TBX15: variants seen among roughly 807,000 people sequenced by gnomAD.
TBX15 encodes the protein T-box transcription factor TBX15.
In TBX15, 18 loss-of-function variants were observed where a neutral mutation model predicts 53.9. That is an observed-to-expected ratio of 0.33 (90% CI 0.23 to 0.49). The LOEUF (loss-of-function observed/expected upper bound fraction) is 0.49. Ranked by LOEUF, TBX15 falls within the 20% of genes least tolerant of loss-of-function variation. The probability of loss-of-function intolerance (pLI) is 0.98; values close to 1 mark genes in which losing one functional copy is unlikely to be tolerated. For synonymous variants in TBX15, 295 were observed against 278.0 expected (o/e 1.06, Z -0.61); for missense variants, 692 against 749.5 (o/e 0.92, Z 0.90).
At chr1:118,905,183 G>A (rs554779603) in intron 6 of TBX15, among the ~76,000 whole-genome samples, 45 of 152,296 alleles carry the variant, frequency 3.0e-4, no homozygotes, top group African/African-American at 9.4e-4. Flanking sequence ...TAAATGTGGA[G>A]GGAGCTGTAT....
intron 1 of TBX15, among the ~76,000 whole-genome samples, chr1:118,951,974 C>T (rs1309918864): frequency 3.3e-5 from 5 of 152,142 alleles, no homozygotes; most frequent in African/African-American, 1.2e-4. Flanking sequence ...GTACACTTGA[C>T]CCTAGAACAC....
intron 1 of TBX15, among the ~76,000 whole-genome samples, chr1:118,985,997 C>T (rs1239101676): frequency 6.6e-6 from 1 of 152,222 alleles, no homozygotes; most frequent in Non-Finnish European, 1.5e-5. Context: ...GAACATAAGG[C>T]CCTAGACGGG....
intron 4 of TBX15, among the ~76,000 whole-genome samples, 160 bp from the exon 5 acceptor site, chr1:118,923,763 C>A (rs766610703): frequency 6.6e-6 from 1 of 152,286 alleles, no homozygotes; most frequent in African/African-American, 2.4e-5. Context: ...CCAGGAAGAA[C>A]TAAGTGATTA....
intron 6 of TBX15, among the ~76,000 whole-genome samples, chr1:118,911,859 T>C (rs1571167252): frequency 6.6e-6 from 1 of 152,366 alleles, no homozygotes; most frequent in East Asian, 1.9e-4. Flanking sequence ...GCAACATTCA[T>C]GGCATCTTAT....
At chr1:118,971,926 C>T (rs1657246371) in intron 1 of TBX15, among the ~76,000 whole-genome samples, 1 of 152,196 alleles carries the variant, frequency 6.6e-6, no homozygotes, top group African/African-American at 2.4e-5. Flanking sequence ...GGCAGTTATT[C>T]TATAAATGAT....
chr1:118,944,047 C>T (rs1435770039), intron 1 of TBX15, among the ~76,000 whole-genome samples: 2 of 152,152 alleles, frequency 1.3e-5, no homozygotes, highest in Non-Finnish European at 2.9e-5. Flanking sequence ...GGGCACAAGG[C>T]AATCATTGAG....
intron 1 of TBX15, among the ~76,000 whole-genome samples, chr1:118,968,237 C>T (rs1657118878): frequency 6.6e-6 from 1 of 152,118 alleles, no homozygotes; most frequent in African/African-American, 2.4e-5. Flanking sequence ...TATTTTGAGA[C>T]AGGGTCTCCC....
intron 6 of TBX15, among the ~76,000 whole-genome samples, chr1:118,905,569 C>T (rs1277324366): frequency 6.6e-6 from 1 of 152,186 alleles, no homozygotes; most frequent in East Asian, 1.9e-4. Context: ...CAGCACAGGG[C>T]CAGCTACCTT....
At position 118,900,564 on chromosome 1, in the gene TBX15, T is replaced by C. The variant is rs144133229; in HGVS notation, c.927-1439A>G. Among the ~76,000 whole-genome samples the C allele has an allele frequency of 9.3e-5, 14 of 151,088 alleles. No individual in the cohort carries two copies. In the East Asian group the frequency reaches 1.2e-3, roughly 13 times the overall value. On this transcript the variant is annotated intron_variant, in intron 6 of 7. Coordinates refer to ENST00000369429, the MANE Select transcript of TBX15 (RefSeq NM_001330677.2). ...ATCTTGGAGGCTTTAAATACACCAATGTTGGCAAACCAAACTCTGTATTTT... is the reference window on the plus strand; with the variant it reads ...ATCTTGGAGGCTTTAAATACACCAACGTTGGCAAACCAAACTCTGTATTTT...
At chr1:118,948,693 A>G (rs12139690) in intron 1 of TBX15, among the ~76,000 whole-genome samples, 19,541 of 152,168 alleles carry the variant, frequency 0.13, 1,775 homozygotes, top group Non-Finnish European at 0.18. Context: ...CTAGTAAAAG[A>G]TCTTGCTATT....
chr1:118,937,748 C>T (rs1656013884), intron 1 of TBX15, among the ~76,000 whole-genome samples: 1 of 152,196 alleles, frequency 6.6e-6, no homozygotes, highest in Non-Finnish European at 1.5e-5. Flanking sequence ...ATTCATCTTA[C>T]TTTCTTTTCT....
chr1:118,951,652 T>C (rs1289551902), intron 1 of TBX15, among the ~76,000 whole-genome samples: 2 of 149,794 alleles, frequency 1.3e-5, no homozygotes, highest in Non-Finnish European at 3.0e-5. Context: ...CAACATCTTA[T>C]TGTTCCTGAT....
At chr1:118,970,411 C>G (rs1315109406) in intron 1 of TBX15, among the ~76,000 whole-genome samples, 1 of 152,152 alleles carries the variant, frequency 6.6e-6, no homozygotes, top group African/African-American at 2.4e-5. Context: ...CACACTGAAT[C>G]AAGGAGACCT....
rs116833272 is a variant in TBX15 at position 118,909,395 on chromosome 1, G to T, written c.926+4720C>A. 3.1e-3 allele frequency among the ~76,000 whole-genome samples: 479 copies of T among 152,322 alleles called. 5 individuals carry two copies. The highest frequency in any genetic ancestry group is 5.3e-3 in the Non-Finnish European group (358 of 68,034). ...AGACTTTCCACATAATGAAAAGACAGCTGGGAATGTATGTTCTGCAGGCAA... is the reference window on the plus strand; with the variant it reads ...AGACTTTCCACATAATGAAAAGACATCTGGGAATGTATGTTCTGCAGGCAA... On this transcript the variant is annotated intron_variant, in intron 6 of 7. Transcript: ENST00000369429.
chr1:118,947,943 T>G (rs141706017), intron 1 of TBX15, among the ~76,000 whole-genome samples: 44 of 152,304 alleles, frequency 2.9e-4, no homozygotes, highest in African/African-American at 1.0e-3. Flanking sequence ...CTAGACAAAA[T>G]GACCTACCCA....
chr1:118,899,583 G>A (rs569006893), intron 6 of TBX15, among the ~76,000 whole-genome samples: 10 of 152,234 alleles, frequency 6.6e-5, no homozygotes, highest in Admixed American at 5.9e-4. Context: ...GAATGGAACT[G>A]TCAAACTGCT....
At chr1:118,896,378 GT>G (rs1654424113) in intron 7 of TBX15, among the ~76,000 whole-genome samples, 1 of 152,160 alleles carries the variant, frequency 6.6e-6, no homozygotes. Context: ...TTTCTTCAAA[GT>G]TTTATCAGCA....
At chr1:118,937,060 A>AGCT (rs780552940) in intron 1 of TBX15, among the ~76,000 whole-genome samples, 1 of 152,184 alleles carries the variant, frequency 6.6e-6, no homozygotes, top group African/African-American at 2.4e-5. Context: ...AAGTGGAAGC[A>AGCT]AGTCAATGAT....
At chr1:118,923,112 C>G (rs928556347) in intron 5 of TBX15, among the ~76,000 whole-genome samples, 5 of 151,716 alleles carry the variant, frequency 3.3e-5, no homozygotes, top group Non-Finnish European at 7.4e-5. Flanking sequence ...TTAATTATTA[C>G]AGTTTTCTGT....
Sources: allele counts gnomAD v4.1 joint callset (sites outside exome capture counted in the v4.1 genomes callset), GRCh38; gene constraint gnomAD v4.1.1; transcripts MANE v1.5; gene names NCBI Gene and HGNC (gene_info 2026-07-23, HGNC 2026-07-21).